SDK1: variants seen among roughly 807,000 people sequenced by gnomAD.
The protein encoded by SDK1 is sidekick cell adhesion molecule 1, also known as protein sidekick-1.
Under a neutral mutation model 245.5 loss-of-function variants are expected in SDK1, and 157 were observed. The ratio of observed to expected loss-of-function variants is 0.64; its 90% CI spans 0.56 to 0.73. The LOEUF (loss-of-function observed/expected upper bound fraction) is 0.73, where lower values mean the gene tolerates loss of function less well. Ranked by LOEUF, SDK1 falls within the 30% of genes least tolerant of loss-of-function variation. The probability of loss-of-function intolerance (pLI) is 0.00; values close to 1 mark genes in which losing one functional copy is unlikely to be tolerated. For missense variants in SDK1, 3,583 were observed against 3,002.3 expected (o/e 1.19, Z -4.52); for synonymous variants, 1,647 against 1,278.5 (o/e 1.29, Z -6.15).
chr7:3,673,734 G>A (rs1296718076), intron 4 of SDK1, among the ~76,000 whole-genome samples: 1 of 152,172 alleles, frequency 6.6e-6, no homozygotes, highest in Non-Finnish European at 1.5e-5. Flanking sequence ...GCTGCCTTGT[G>A]TATTTGGTGG....
chr7:3,369,481 T>C (rs148930073), intron 1 of SDK1, among the ~76,000 whole-genome samples: 10 of 152,322 alleles, frequency 6.6e-5, no homozygotes, highest in South Asian at 2.1e-4. Context: ...TGGCCTGTTA[T>C]AGGGCAAGCT....
intron 1 of SDK1, among the ~76,000 whole-genome samples, chr7:3,307,334 A>G (rs1235457060): frequency 1.3e-5 from 2 of 152,028 alleles, no homozygotes; most frequent in African/African-American, 4.8e-5. Context: ...CTGCCATCCT[A>G]TGGTAGCAAG....
At chr7:4,121,727 T>A (rs1388633658) in intron 25 of SDK1, among the ~76,000 whole-genome samples, 1 of 152,228 alleles carries the variant, frequency 6.6e-6, no homozygotes, top group Non-Finnish European at 1.5e-5. Flanking sequence ...CATGTTCTGT[T>A]CACTTGTTCA....
At chr7:3,935,342 G>T (rs916168659) in intron 5 of SDK1, among the ~76,000 whole-genome samples, 1 of 152,126 alleles carries the variant, frequency 6.6e-6, no homozygotes, top group African/African-American at 2.4e-5. Flanking sequence ...TTAGATTTAG[G>T]AATGATATTG....
chr7:3,697,846 A>C (rs1484702514), intron 4 of SDK1, among the ~76,000 whole-genome samples: 1 of 152,166 alleles, frequency 6.6e-6, no homozygotes, highest in Non-Finnish European at 1.5e-5. Flanking sequence ...CTTAACTCGC[A>C]CTTTCAGAAA....
chr7:4,187,586 G>T (rs60407678), intron 35 of SDK1, among the ~76,000 whole-genome samples: 1,942 of 152,286 alleles, frequency 0.013, 20 homozygotes, highest in African/African-American at 0.016. Context: ...TTAAATGACT[G>T]GTCTGTGATT....
At position 3,382,026 on chromosome 7, in the gene SDK1, C is replaced by G. The variant is rs369959722; in HGVS notation, c.298+80142C>G. 3.9e-5 allele frequency among the ~76,000 whole-genome samples: 6 copies of G among 152,318 alleles called. No individual in the cohort carries two copies. In the South Asian group the frequency reaches 6.2e-4, roughly 16 times the overall value. On this transcript the variant is annotated intron_variant, in intron 1 of 44. Coordinates refer to ENST00000404826, the MANE Select transcript of SDK1 (RefSeq NM_152744.4). The stretch of plus-strand genomic sequence containing the variant: ...AACTAATACTTATTGATGCCCTACT[C>G]TGTCTCAGTCAAAAAGCTAAACACC...
chr7:3,352,944 C>G (rs1432764976), intron 1 of SDK1, among the ~76,000 whole-genome samples: 6 of 152,036 alleles, frequency 3.9e-5, no homozygotes, highest in Non-Finnish European at 7.3e-5. Flanking sequence ...GGAACAAGCT[C>G]TACATGGGAA....
In SDK1 at chr7:3,639,052, C is replaced by G. The variant is rs199977615; in HGVS notation, c.507C>G (p.Cys169Trp). The G allele has an allele frequency of 6.2e-7, 1 of 1,604,946 alleles. No individual in the cohort carries two copies. Among genetic ancestry groups the G allele is most frequent in the East Asian group, 2.2e-5 (1 of 44,752 alleles). Residue 169 changes from cysteine (C) to tryptophan (W), a missense_variant, in exon 3 of 45, where the codon TGC becomes TGG. Physicochemically the swap from Cys to Trp is radical, Grantham distance 215. Transcript: ENST00000404826. Reference protein sequence around the residue: ...LQKLDAGFYRCVVRNRMGALL... With the variant: ...LQKLDAGFYRWVVRNRMGALL... The stretch of plus-strand genomic sequence containing the variant: ...AGCTCGATGCTGGGTTTTACCGCTG[C>G]GTGGTGCGAAACAGAATGGGAGCAC...
At position 3,597,362 on chromosome 7, in the gene SDK1, T is replaced by G. The variant is rs376180841; in HGVS notation, c.299-21718T>G. Among the ~76,000 whole-genome samples, 3 of 152,040 alleles carry G rather than the reference T, an allele frequency of 2.0e-5. 1 individual carries two copies. The East Asian group carries it at 5.8e-4, about 29-fold the overall frequency. ...TGTACTGAGAAAACTTCTCCCCTTTTGGTCAACTTCTCCATTTTCACATCA... is the reference window on the plus strand; with the variant it reads ...TGTACTGAGAAAACTTCTCCCCTTTGGGTCAACTTCTCCATTTTCACATCA... On this transcript the variant is annotated intron_variant, in intron 1 of 44. Coordinates refer to ENST00000404826, the MANE Select transcript of SDK1 (RefSeq NM_152744.4).
intron 14 of SDK1, among the ~76,000 whole-genome samples, chr7:3,989,599 T>C (rs1019526229): frequency 2.6e-5 from 4 of 152,128 alleles, no homozygotes; most frequent in African/African-American, 9.7e-5. Flanking sequence ...GTCCCTGTTT[T>C]CAGGACACCT....
At chr7:3,514,315 G>C (rs1337809006) in intron 1 of SDK1, among the ~76,000 whole-genome samples, 1 of 152,122 alleles carries the variant, frequency 6.6e-6, no homozygotes. Flanking sequence ...GTGTGAATTT[G>C]TGTTTTCTGT....
At chr7:4,080,020 G>A (rs919507564) in intron 22 of SDK1, among the ~76,000 whole-genome samples, 28 of 152,304 alleles carry the variant, frequency 1.8e-4, no homozygotes, top group East Asian at 1.2e-3. Flanking sequence ...TTCTGAGCAC[G>A]GGGGCTATTG....
chr7:3,551,884 C>G (rs1202484567), intron 1 of SDK1, among the ~76,000 whole-genome samples: 10 of 152,046 alleles, frequency 6.6e-5, no homozygotes, highest in Non-Finnish European at 1.3e-4. Context: ...ATTTTCTTTA[C>G]AGAATTATTT....
chr7:3,739,838 G>GT (rs562773356), intron 4 of SDK1, among the ~76,000 whole-genome samples: 13 of 151,966 alleles, frequency 8.6e-5, no homozygotes, highest in Non-Finnish European at 1.8e-4. Flanking sequence ...TTTCATAAAT[G>GT]TTTTTTAACA....
chr7:3,338,270 A>C (rs1039178503), intron 1 of SDK1: 12 of 449,552 alleles, frequency 2.7e-5, no homozygotes, highest in Non-Finnish European at 4.5e-5. Context: ...GGTACTGTTC[A>C]GAAAGGAAGC....
chr7:3,580,702 C>T (rs571083842), intron 1 of SDK1, among the ~76,000 whole-genome samples: 43 of 152,226 alleles, frequency 2.8e-4, no homozygotes, highest in South Asian at 1.0e-3. Context: ...GGCGTGGTGG[C>T]TCACGCCTGT....
chr7:3,872,521 G>A, intron 5 of SDK1, among the ~76,000 whole-genome samples: 1 of 150,418 alleles, frequency 6.6e-6, no homozygotes, highest in East Asian at 1.9e-4. Context: ...TTTTTCCCAA[G>A]GAATTAGTTC....
At chr7:3,756,924 C>T (rs575975668) in intron 4 of SDK1, among the ~76,000 whole-genome samples, 1 of 152,278 alleles carries the variant, frequency 6.6e-6, no homozygotes, top group Non-Finnish European at 1.5e-5. Context: ...AACCTTGACC[C>T]TTTGGTGAGG....
Sources: allele counts gnomAD v4.1 joint callset (sites outside exome capture counted in the v4.1 genomes callset), GRCh38; gene constraint gnomAD v4.1.1; transcripts MANE v1.5; gene names NCBI Gene and HGNC (gene_info 2026-07-23, HGNC 2026-07-21).